Variants in ALDOA observed in about 807,000 individuals in gnomAD.
The protein encoded by ALDOA is fructose-bisphosphate aldolase A.
A neutral mutation model predicts 43.9 loss-of-function variants in ALDOA; 26 were observed. The observed-to-expected ratio is 0.59, with a 90% CI of 0.43 to 0.82. The LOEUF is 0.82. ALDOA is among the 40% of genes least tolerant of loss of function. The pLI is 0.00. For synonymous variants in ALDOA, 258 were observed against 222.6 expected, an observed-to-expected ratio of 1.16 and a Z score of -1.42; for missense variants, 498 against 549.5, an observed-to-expected ratio of 0.91 and a Z score of 0.94.
At chr16:30,069,174 C>T (rs1407678383) in intron 6 of ALDOA, 132 bp from the exon 7 acceptor site, 20 of 1,346,994 alleles carry the variant, frequency 1.5e-5, no homozygotes, top group Non-Finnish European at 1.9e-5. Flanking sequence ...CTCTTGTCTC[C>T]TGTAATCTGA....
intron 6 of ALDOA, 124 bp from the exon 7 acceptor site, chr16:30,069,182 T>G: frequency 7.4e-7 from 1 of 1,357,926 alleles, no homozygotes; most frequent in South Asian, 1.2e-5. Flanking sequence ...TCCTGTAATC[T>G]GAGGGCTTTG....
At chr16:30,069,422 G>A (rs2072234559) in intron 7 of ALDOA, 33 bp downstream of exon 7, 2 of 1,613,866 alleles carry the variant, frequency 1.2e-6, no homozygotes. Flanking sequence ...AGTGCAAGGT[G>A]GCTGGCCGGG....
chr16:30,066,037 TC>T (rs1265467197), intron 1 of ALDOA, 110 bp downstream of exon 1: 1 of 152,762 alleles, frequency 6.5e-6, no homozygotes, highest in Non-Finnish European at 1.5e-5. Context: ...TGCCAGCGTC[TC>T]CCCACTACCA....
chr16:30,065,894 C>G lies in ALDOA; in HGVS notation c.-47C>G, dbSNP rs774729535. The G allele has an allele frequency of 5.2e-5, 8 of 153,482 alleles. No individual in the cohort carries two copies. The highest frequency in any genetic ancestry group is 7.3e-5 in the Non-Finnish European group (5 of 68,688). The allele number at this position is 153,482 out of a possible 1,614,324, so 9.5% of individuals were successfully genotyped here. ...TCGCCAGCCCGCCGCCCTCTGCCGC[C>G]GCACCCTGCACACCCGCCCCTCTCC... On this transcript the variant is annotated 5_prime_UTR_variant, in exon 1 of 10. Transcript: ENST00000642816.
At chr16:30,069,006 C>A (rs201927726) in intron 6 of ALDOA, 28 bp downstream of exon 6, 2 of 1,614,020 alleles carry the variant, frequency 1.2e-6, no homozygotes, top group Non-Finnish European at 1.7e-6. Context: ...CAATAGGCAA[C>A]CTCCTACCTC....
At chr16:30,070,079 A>G (rs3112558) in intron 9 of ALDOA, 38 bp from the exon 10 acceptor site, 2 of 1,613,616 alleles carry the variant, frequency 1.2e-6, no homozygotes, top group Non-Finnish European at 1.7e-6. Context: ...TGGGACTCGG[A>G]GAAGAGCCCT....
intron 1 of ALDOA, chr16:30,066,145 A>T (rs543940709): frequency 1.3e-5 from 2 of 152,452 alleles, no homozygotes; most frequent in African/African-American, 2.4e-5. Context: ...AGGAAGCCGG[A>T]CGAGATGAAG....
chr16:30,070,314 C>T lies in ALDOA; in HGVS notation c.*102C>T, dbSNP rs558565333. On this transcript the variant is annotated 3_prime_UTR_variant, in exon 10 of 10. Coordinates refer to ENST00000642816, the MANE Select transcript of ALDOA (RefSeq NM_001243177.4). ...GGGGCTCCAGGCTGGCTTGCCCGCG[C>T]TCTTTCTTCCCTCGTGACAGTGGTG... 9 of 1,099,542 alleles carry T rather than the reference C, an allele frequency of 8.2e-6. No homozygotes were observed. The highest frequency in any genetic ancestry group is 5.1e-5 in the South Asian group (4 of 78,438). 68.1% of individuals were successfully genotyped at this position (1,099,542 alleles called of 1,614,324 possible).
chr16:30,067,892 C>T, intron 4 of ALDOA: 2 of 595,882 alleles, frequency 3.4e-6, no homozygotes, highest in East Asian at 5.9e-5. Context: ...AAGTGTTTTG[C>T]TCAGAGTAAG....
chr16:30,067,187 G>T, intron 2 of ALDOA, 47 bp from the exon 3 acceptor site: 1 of 1,610,824 alleles, frequency 6.2e-7, no homozygotes, highest in Non-Finnish European at 8.5e-7. Flanking sequence ...GGGAGATGAT[G>T]GGAAACCCTA....
chr16:30,069,354 C>T lies in ALDOA; in HGVS notation c.751C>T (p.His251Tyr), dbSNP rs766590264. Residue 251 changes from histidine (H) to tyrosine (Y), a missense_variant, in exon 7 of 10, where the codon CAT becomes TAT. By Grantham distance (83) the His-to-Tyr change is moderately conservative (BLOSUM62 2). Coordinates refer to ENST00000642816, the MANE Select transcript of ALDOA (RefSeq NM_001243177.4). ...GCCTGAGATCCTCCCTGATGGGGAC[C>T]ATGACTTGAAGCGCTGCCAGTATGT... ...VEPEILPDGD[H>Y]DLKRCQYVTE... The T allele has an allele frequency of 1.2e-6, 2 of 1,614,034 alleles. No homozygotes were observed. Among genetic ancestry groups the T allele is most frequent in the Non-Finnish European group, 1.7e-6 (2 of 1,180,040 alleles).
intron 4 of ALDOA, chr16:30,068,431 G>A: frequency 1.6e-6 from 1 of 641,156 alleles, no homozygotes; most frequent in East Asian, 2.8e-5. Context: ...CAGTTTAAGG[G>A]ATTAAGTAAA....
At chr16:30,065,259 G>C (rs1238682850), upstream of ALDOA, among the ~76,000 whole-genome samples, 2 of 152,202 alleles carry the variant, frequency 1.3e-5, no homozygotes, top group Non-Finnish European at 2.9e-5. Flanking sequence ...TGTCGGCTCC[G>C]CGCCGATTCA....
chr16:30,065,899 C>G lies in ALDOA; in HGVS notation c.-42C>G, dbSNP rs1299274444. On this transcript the variant is annotated 5_prime_UTR_variant, in exon 1 of 10. Coordinates refer to ENST00000642816, the MANE Select transcript of ALDOA (RefSeq NM_001243177.4). ...AGCCCGCCGCCCTCTGCCGCCGCAC[C>G]CTGCACACCCGCCCCTCTCCTGTGC... 2 of 153,388 alleles carry G rather than the reference C, an allele frequency of 1.3e-5. No homozygotes were observed. The highest frequency in any genetic ancestry group is 4.8e-5 in the African/African-American group (2 of 41,466). The allele number at this position is 153,388 out of a possible 1,614,324, so 9.5% of individuals were successfully genotyped here.
Position 30,067,609 on chromosome 16 carries a change from G to A in ALDOA, c.434G>A (p.Gly145Glu). ...ACACTCTACCAGAAGGCGGATGATG[G>A]GCGTCCCTTCCCCCAAGTTATCAAA... ...HETLYQKADD[G>E]RPFPQVIKSK... The change falls in exon 4 of 10, where the codon GGG becomes GAG. Residue 145 changes from glycine to glutamate, a missense_variant. Gly to Glu is a moderately conservative substitution (Grantham distance 98). Transcript: ENST00000642816. The A allele has an allele frequency of 3.1e-6, 5 of 1,614,128 alleles. No individual in the cohort carries two copies. The highest frequency in any genetic ancestry group is 1.1e-5 in the South Asian group (1 of 91,092).
intron 8 of ALDOA, 53 bp from the exon 9 acceptor site, chr16:30,069,777 C>T (rs1450787029): frequency 6.2e-7 from 1 of 1,613,000 alleles, no homozygotes; most frequent in Admixed American, 1.7e-5. Context: ...CAGCTCCTGC[C>T]AGCTTCCTGG....
In ALDOA at chr16:30,069,579, C is replaced by T. The variant is rs1159829609; in HGVS notation, c.867C>T (p.Thr289=). 5 of 1,614,076 alleles carry T rather than the reference C, an allele frequency of 3.1e-6. No individual in the cohort carries two copies. In the Admixed American group the frequency reaches 6.7e-5, roughly 22 times the overall value. ...EGTLLKPNMV[T]PGHACTQKFS... is the part of the protein sequence containing the mutation. ...CCTTGCTGAAGCCCAACATGGTCAC[C>T]CCAGGCCATGCTTGCACTCAGAAGT... is the stretch of plus-strand genomic sequence containing the variant. The change falls in exon 8 of 10, where the codon ACC becomes ACT. Residue 289 remains threonine, a synonymous_variant. Coordinates refer to ENST00000642816, the MANE Select transcript of ALDOA (RefSeq NM_001243177.4).
intron 1 of ALDOA, 162 bp downstream of exon 1, chr16:30,066,089 C>G (rs1567321368): frequency 1.3e-5 from 2 of 152,748 alleles, no homozygotes; most frequent in African/African-American, 4.8e-5. Flanking sequence ...CTGAGGTCCT[C>G]TAACTGCGCA....
chr16:30,068,412 C>T (rs1206918820), intron 4 of ALDOA: 2 of 590,714 alleles, frequency 3.4e-6, no homozygotes, highest in Non-Finnish European at 3.1e-6. Context: ...ATTTGCCAGC[C>T]CTGAGATGCA....
Sources: gnomAD v4.1 joint callset for allele counts (sites outside exome capture counted in the v4.1 genomes callset) on GRCh38, gnomAD v4.1.1 for gene constraint, MANE v1.5 for transcripts, NCBI Gene and HGNC (gene_info 2026-07-23, HGNC 2026-07-21) for gene names.